The following PTBP2 variants were observed in gnomAD, a reference collection of about 807,000 sequenced individuals.
PTBP2 encodes polypyrimidine tract binding protein 2.
PTBP2 carries 13 observed loss-of-function variants against 61.4 expected under a neutral mutation model. That is an observed-to-expected ratio of 0.21 (90% CI 0.14 to 0.34). PTBP2 has a LOEUF of 0.34. PTBP2 is among the 10% of genes least tolerant of loss of function. The pLI, the probability that PTBP2 is intolerant of heterozygous loss-of-function variation, is 1.00. For synonymous variants in PTBP2, 215 were observed against 218.5 expected (o/e 0.98, Z 0.14); for missense variants, 405 against 642.6 (o/e 0.63, Z 4.00).
chr1:96,738,268 T>C (rs1004992310), intron 2 of PTBP2, among the ~76,000 whole-genome samples: 3 of 152,062 alleles, frequency 2.0e-5, no homozygotes, highest in Non-Finnish European at 4.4e-5. Flanking sequence ...TTGGCTTTGG[T>C]TTGATTGAAT....
chr1:96,723,092 A>G (rs776915102), intron 1 of PTBP2, among the ~76,000 whole-genome samples: 3 of 152,156 alleles, frequency 2.0e-5, no homozygotes, highest in Non-Finnish European at 4.4e-5. Flanking sequence ...ACAGAATTCA[A>G]ATCATCCTAG....
intron 1 of PTBP2, among the ~76,000 whole-genome samples, chr1:96,722,115 T>A (rs1452219064): frequency 2.0e-5 from 3 of 151,990 alleles, no homozygotes; most frequent in Admixed American, 2.0e-4. Context: ...GGGGTGAGGA[T>A]CCCGGAGTGG....
chr1:96,749,238 A>G (rs1482686177), intron 2 of PTBP2, among the ~76,000 whole-genome samples: 1 of 152,126 alleles, frequency 6.6e-6, no homozygotes, highest in African/African-American at 2.4e-5. Context: ...TTCCCCACCT[A>G]TCGTCTTCCA....
chr1:96,734,858 T>A (rs923026167), intron 2 of PTBP2, among the ~76,000 whole-genome samples: 7 of 151,830 alleles, frequency 4.6e-5, no homozygotes, highest in African/African-American at 1.5e-4. Context: ...TTACCTTGTT[T>A]GTGCTAGGCA....
intron 5 of PTBP2, among the ~76,000 whole-genome samples, chr1:96,773,000 G>A (rs1657561425): frequency 6.6e-6 from 1 of 151,358 alleles, no homozygotes; most frequent in Non-Finnish European, 1.5e-5. Flanking sequence ...CCAGGTGCCT[G>A]TAATCCCAGC....
chr1:96,765,836 A>G (rs948382539), intron 3 of PTBP2, among the ~76,000 whole-genome samples: 1 of 152,176 alleles, frequency 6.6e-6, no homozygotes, highest in African/African-American at 2.4e-5. Flanking sequence ...GAAACTAACA[A>G]TTTTGGGGAA....
chr1:96,761,347 TG>T (rs1437978536), intron 3 of PTBP2, among the ~76,000 whole-genome samples: 12 of 7,994 alleles, frequency 1.5e-3, no homozygotes, highest in African/African-American at 4.9e-3. Flanking sequence ...TGGGATTTGA[TG>T]TGTGTGTGTG....
At chr1:96,786,126 G>T (rs1659176136) in intron 8 of PTBP2, among the ~76,000 whole-genome samples, 1 of 151,980 alleles carries the variant, frequency 6.6e-6, no homozygotes, top group African/African-American at 2.4e-5. Context: ...GTTTATGTCT[G>T]TCATTTCAAA....
intron 3 of PTBP2, among the ~76,000 whole-genome samples, chr1:96,754,801 C>G (rs6666522): frequency 1.3e-5 from 2 of 151,758 alleles, no homozygotes; most frequent in African/African-American, 2.4e-5. Context: ...TGGAGCTATC[C>G]GTATGCAAAA....
intron 8 of PTBP2, among the ~76,000 whole-genome samples, chr1:96,787,540 T>C (rs1446566187): frequency 6.6e-6 from 1 of 152,204 alleles, no homozygotes; most frequent in Non-Finnish European, 1.5e-5. Context: ...TTTAATGTTT[T>C]TGCATCTTGT....
chr1:96,745,288 G>A (rs1265872512), intron 2 of PTBP2, among the ~76,000 whole-genome samples: 1 of 151,852 alleles, frequency 6.6e-6, no homozygotes, highest in Non-Finnish European at 1.5e-5. Flanking sequence ...TCAGCCTCCC[G>A]AGTAGCTGGG....
chr1:96,809,511 T>A (rs1661832373), intron 11 of PTBP2, among the ~76,000 whole-genome samples: 2 of 146,110 alleles, frequency 1.4e-5, no homozygotes, highest in Admixed American at 1.3e-4. Flanking sequence ...AGTCAGAAGT[T>A]TGTTTGTTTG....
At chr1:96,802,283 A>G (rs1661096396) in intron 8 of PTBP2, among the ~76,000 whole-genome samples, 1 of 151,662 alleles carries the variant, frequency 6.6e-6, no homozygotes, top group Admixed American at 6.6e-5. Flanking sequence ...TTTTAAGACT[A>G]TAAAGGGGAG....
intron 2 of PTBP2, among the ~76,000 whole-genome samples, chr1:96,746,198 G>A (rs1311188606): frequency 1.3e-5 from 2 of 152,026 alleles, no homozygotes; most frequent in Non-Finnish European, 2.9e-5. Flanking sequence ...AAAGGTATAG[G>A]TATATATTAC....
At chr1:96,792,887 T>G (rs894399084) in intron 8 of PTBP2, among the ~76,000 whole-genome samples, 6 of 152,094 alleles carry the variant, frequency 3.9e-5, no homozygotes, top group African/African-American at 1.4e-4. Flanking sequence ...AAAAAACTCA[T>G]CTACTGCAGA....
chr1:96,773,956 CTG>C (rs1553181078), intron 5 of PTBP2, among the ~76,000 whole-genome samples: 1 of 126,298 alleles, frequency 7.9e-6, no homozygotes, highest in Non-Finnish European at 1.6e-5. Flanking sequence ...GAGCGAGACT[CTG>C]TCTCAAAAAA....
At chr1:96,764,985 T>TG (rs1300165193) in intron 3 of PTBP2, among the ~76,000 whole-genome samples, 1 of 152,230 alleles carries the variant, frequency 6.6e-6, no homozygotes, top group African/African-American at 2.4e-5. Context: ...TGGTGGCTGT[T>TG]GCAGAAACAG....
intron 8 of PTBP2, among the ~76,000 whole-genome samples, chr1:96,799,803 G>T (rs1328313429): frequency 6.6e-6 from 1 of 152,134 alleles, no homozygotes. Flanking sequence ...TATAAATAGT[G>T]CATCATGAAA....
intron 2 of PTBP2, among the ~76,000 whole-genome samples, chr1:96,750,727 C>A (rs1331445951): frequency 6.6e-6 from 1 of 151,966 alleles, no homozygotes; most frequent in Non-Finnish European, 1.5e-5. Context: ...ATAACTAAGG[C>A]AAAACAGTTG....
Sources: allele counts gnomAD v4.1 joint callset (sites outside exome capture counted in the v4.1 genomes callset), GRCh38; gene constraint gnomAD v4.1.1; transcripts MANE v1.5; gene names NCBI Gene and HGNC (gene_info 2026-07-23, HGNC 2026-07-21).